The following SRD5A2 variants were observed in gnomAD, a reference collection of about 807,000 sequenced individuals.
The protein encoded by SRD5A2 is 3-oxo-5-alpha-steroid 4-dehydrogenase 2.
A neutral mutation model predicts 27.4 loss-of-function variants in SRD5A2; 30 were observed. The observed-to-expected ratio is 1.10, with a 90% CI of 0.82 to 1.49. The LOEUF is 1.49. Ranked by LOEUF, SRD5A2 falls within the 40% of genes most tolerant of loss-of-function variation. The pLI is 0.00. For synonymous variants in SRD5A2, 141 were observed against 133.6 expected, an observed-to-expected ratio of 1.06 and a Z score of -0.38; for missense variants, 348 against 323.4, an observed-to-expected ratio of 1.08 and a Z score of -0.58.
chr2:31,576,383 A>G (rs1666960237), intron 1 of SRD5A2, among the ~76,000 whole-genome samples: 1 of 38,262 alleles, frequency 2.6e-5, no homozygotes, highest in Admixed American at 3.1e-4. Context: ...GCAGCCAAAA[A>G]ACACATGAAG....
the SRD5A2 span, among the ~76,000 whole-genome samples, chr2:31,608,209 C>T: frequency 6.6e-6 from 1 of 151,924 alleles, no homozygotes; most frequent in Admixed American, 6.6e-5. Context: ...ACCACATATA[C>T]AATTATATCA....
At chr2:31,653,905 C>T in the SRD5A2 span, among the ~76,000 whole-genome samples, 1 of 152,094 alleles carries the variant, frequency 6.6e-6, no homozygotes, top group Non-Finnish European at 1.5e-5. Context: ...GTGATCTGCC[C>T]GCCTCGGCCT....
At chr2:31,598,642 T>C in the SRD5A2 span, among the ~76,000 whole-genome samples, 1 of 151,718 alleles carries the variant, frequency 6.6e-6, no homozygotes, top group African/African-American at 2.4e-5. Flanking sequence ...AGCCTCATGG[T>C]AACCTCACAC....
the SRD5A2 span, among the ~76,000 whole-genome samples, chr2:31,618,759 T>C: frequency 6.6e-6 from 1 of 152,128 alleles, no homozygotes; most frequent in African/African-American, 2.4e-5. Flanking sequence ...TTCAGTAATA[T>C]ATTAAACTGC....
At chr2:31,557,722 G>A (rs951735428) in intron 1 of SRD5A2, among the ~76,000 whole-genome samples, 4 of 152,290 alleles carry the variant, frequency 2.6e-5, no homozygotes, top group Admixed American at 6.5e-5. Context: ...CTAGAAATCT[G>A]GAGTACAGCA....
At chr2:31,657,774 T>C in the SRD5A2 span, among the ~76,000 whole-genome samples, 4 of 151,618 alleles carry the variant, frequency 2.6e-5, no homozygotes, top group African/African-American at 7.3e-5. Context: ...TCAGGAAAAA[T>C]AAAGGATCAA....
At chr2:31,584,028 G>A (rs1248661238), upstream of SRD5A2, among the ~76,000 whole-genome samples, 1 of 152,162 alleles carries the variant, frequency 6.6e-6, no homozygotes, top group Non-Finnish European at 1.5e-5. Flanking sequence ...GGGTACAGCG[G>A]CTGTCTTTAC....
intron 1 of SRD5A2, among the ~76,000 whole-genome samples, chr2:31,551,464 C>T (rs1184381484): frequency 6.6e-6 from 1 of 152,116 alleles, no homozygotes; most frequent in African/African-American, 2.4e-5. Context: ...AACAGCTTAG[C>T]TTGCTTTACC....
chr2:31,634,157 C>CA, the SRD5A2 span, among the ~76,000 whole-genome samples: 110,568 of 148,944 alleles, frequency 0.74, 41,037 homozygotes, highest in African/African-American at 0.82. Context: ...CTTGCAACTG[C>CA]AAAAAAAAAA....
intron 1 of SRD5A2, among the ~76,000 whole-genome samples, chr2:31,541,421 G>T (rs982093039): frequency 6.6e-6 from 1 of 150,902 alleles, no homozygotes; most frequent in Non-Finnish European, 1.5e-5. Flanking sequence ...AACAGAAACT[G>T]CCCCTGAAAA....
intron 1 of SRD5A2, among the ~76,000 whole-genome samples, chr2:31,572,400 G>A (rs1349640236): frequency 6.6e-6 from 1 of 152,120 alleles, no homozygotes; most frequent in Admixed American, 6.5e-5. Context: ...CCAAACCCCT[G>A]AGACATGTAG....
chr2:31,562,644 A>G (rs1157839783), intron 1 of SRD5A2, among the ~76,000 whole-genome samples: 1 of 152,164 alleles, frequency 6.6e-6, no homozygotes, highest in Admixed American at 6.5e-5. Flanking sequence ...TGATACAAAG[A>G]TGGGAACAAT....
intron 1 of SRD5A2, among the ~76,000 whole-genome samples, chr2:31,578,269 A>G: frequency 6.6e-6 from 1 of 152,222 alleles, no homozygotes; most frequent in Non-Finnish European, 1.5e-5. Context: ...AATTTTAAGA[A>G]TAAATATAGT....
chr2:31,636,349 T>C, the SRD5A2 span, among the ~76,000 whole-genome samples: 102 of 152,136 alleles, frequency 6.7e-4, no homozygotes, highest in Non-Finnish European at 1.3e-3. Context: ...ACAGTTGGCA[T>C]ATAAATGCAC....
At chr2:31,550,917 G>T (rs889327054) in intron 1 of SRD5A2, among the ~76,000 whole-genome samples, 3 of 151,878 alleles carry the variant, frequency 2.0e-5, no homozygotes, top group African/African-American at 7.2e-5. Context: ...ATTAGAAAAG[G>T]AGAAATAAAA....
chr2:31,632,843 G>C, the SRD5A2 span, among the ~76,000 whole-genome samples: 1 of 152,066 alleles, frequency 6.6e-6, no homozygotes, highest in Non-Finnish European at 1.5e-5. Flanking sequence ...TTAGGAGAAG[G>C]AAAAAGGGTA....
chr2:31,616,202 G>T, the SRD5A2 span, among the ~76,000 whole-genome samples: 23 of 152,092 alleles, frequency 1.5e-4, no homozygotes. Flanking sequence ...TACAGGGGTG[G>T]GACCCTCATG....
the SRD5A2 span, among the ~76,000 whole-genome samples, chr2:31,656,599 T>C: frequency 6.6e-6 from 1 of 152,100 alleles, no homozygotes; most frequent in Non-Finnish European, 1.5e-5. Flanking sequence ...CCTTCCACCA[T>C]TCTGCTATAT....
the SRD5A2 span, among the ~76,000 whole-genome samples, chr2:31,633,264 T>C: frequency 1.3e-5 from 2 of 152,202 alleles, no homozygotes; most frequent in African/African-American, 4.8e-5. Context: ...GGAAAAATAC[T>C]TTTGCCTGCA....
Sources: gnomAD v4.1 joint callset for allele counts (sites outside exome capture counted in the v4.1 genomes callset) on GRCh38, gnomAD v4.1.1 for gene constraint, MANE v1.5 for transcripts, NCBI Gene and HGNC (gene_info 2026-07-23, HGNC 2026-07-21) for gene names.